SCN8A: variants seen among roughly 807,000 people sequenced by gnomAD.
The protein encoded by SCN8A is sodium channel protein type 8 subunit alpha.
SCN8A carries 30 observed loss-of-function variants against 184.1 expected under a neutral mutation model. The observed-to-expected ratio is 0.16, with a 90% CI of 0.12 to 0.22. The LOEUF (loss-of-function observed/expected upper bound fraction) is 0.22. SCN8A is among the 10% of genes least tolerant of loss of function. SCN8A has a pLI of 1.00. For synonymous variants in SCN8A, 852 were observed against 907.0 expected (o/e 0.94, Z 1.09); for missense variants, 1,057 against 2,498.9 (o/e 0.42, Z 12.30).
intron 26 of SCN8A, among the ~76,000 whole-genome samples, chr12:51,799,987 C>G (rs955519527): frequency 1.3e-5 from 2 of 152,226 alleles, no homozygotes; most frequent in Non-Finnish European, 2.9e-5. Context: ...CTACTTCTCG[C>G]TCACTGGGTC....
intron 11 of SCN8A, chr12:51,712,887 A>G: frequency 2.6e-6 from 4 of 1,565,062 alleles, no homozygotes; most frequent in Non-Finnish European, 3.5e-6. Flanking sequence ...CAAAGTTTCC[A>G]CCACGGCCAA....
At position 51,807,379 on chromosome 12, in the gene SCN8A, A is replaced by G. The variant is rs954461792; in HGVS notation, c.5893A>G (p.Arg1965Gly). Residue 1965 changes from arginine to glycine, a missense_variant, in exon 27 of 27, where the codon AGA becomes GGA. Around this residue, in one of 19 missense-constraint regions of SCN8A, gnomAD observed 95 missense variants for 140.2 expected, o/e 0.68. Coordinates refer to ENST00000627620, the MANE Select transcript of SCN8A (RefSeq NM_001330260.2). The surrounding 1 kb of genome is among the most constrained non-coding windows in gnomAD (Gnocchi z 4.5). ...GAAACAGCAGCGGGCAGAGGAAGGA[A>G]GAAGGGAAAGAGCCAAAAGACAAAA... ...KEKQQRAEEG[R>G]RERAKRQKEV... The G allele has an allele frequency of 6.2e-7, 1 of 1,613,304 alleles. No individual in the cohort carries two copies. The highest frequency in any genetic ancestry group is 8.5e-7 in the Non-Finnish European group (1 of 1,179,520).
rs184187332 is a variant in SCN8A at position 51,731,198 on chromosome 12, G to C, written c.1998+9290G>C. ...CTTGGGAGTGCACATAGTGCAGATA[G>C]TGCAGTTATCTCTTTGATATACTGA... On this transcript the variant is annotated intron_variant, in intron 12 of 26. Transcript: ENST00000627620. 2.0e-5 allele frequency among the ~76,000 whole-genome samples: 3 copies of C among 152,144 alleles called. No homozygotes were observed. The East Asian group carries it at 5.8e-4, about 29-fold the overall frequency.
At chr12:51,781,154 G>A (rs529511660) in intron 21 of SCN8A, among the ~76,000 whole-genome samples, 1 of 152,346 alleles carries the variant, frequency 6.6e-6, no homozygotes, top group Admixed American at 6.5e-5. Context: ...CAGGCAGGGA[G>A]AGTGCTGTGT....
At position 51,769,916 on chromosome 12, in the gene SCN8A, C is replaced by A. The variant is rs780984594; in HGVS notation, c.3421C>A (p.Pro1141Thr). The A allele has an allele frequency of 3.2e-5, 51 of 1,608,406 alleles. No homozygotes were observed. The highest frequency in any genetic ancestry group is 4.3e-5 in the Non-Finnish European group (51 of 1,177,554). Residue 1141 changes from proline (P) to threonine (T), a missense_variant, in exon 18 of 27, where the codon CCA becomes ACA. Around this residue, in one of 19 missense-constraint regions of SCN8A, gnomAD observed 178 missense variants for 259.6 expected, o/e 0.69. Transcript: ENST00000627620. ...SSEGSTIDIK[P>T]EVEEVPVEQP... is the part of the protein sequence containing the mutation. Reference sequence around the variant, plus strand: ...TGAAGGAAGCACCATTGATATCAAACCAGAAGTAGAAGAGGTCCCTGTGGA... The same window carrying A: ...TGAAGGAAGCACCATTGATATCAAAACAGAAGTAGAAGAGGTCCCTGTGGA...
chr12:51,706,704 A>G lies in SCN8A; in HGVS notation c.1624A>G (p.Ile542Val). The change falls in exon 11 of 27, where the codon ATC becomes GTC. Residue 542 changes from isoleucine to valine, a missense_variant. This residue lies in a region of SCN8A where 322 missense variants were observed against 390.1 expected (regional missense o/e 0.83). Transcript: ENST00000627620. ...PDNRIGRKFS[I>V]MNQSLLSIPG... ...CAACAGAATAGGGAGGAAATTTTCC[A>G]TCATGAATCAGGTAAACTCTTCTTT... The G allele has an allele frequency of 6.5e-7, 1 of 1,540,280 alleles. No homozygotes were observed. Among genetic ancestry groups the G allele is most frequent in the South Asian group, 1.3e-5 (1 of 76,326 alleles).
intron 14 of SCN8A, among the ~76,000 whole-genome samples, chr12:51,757,259 T>C (rs1361828117): frequency 6.6e-6 from 1 of 152,194 alleles, no homozygotes; most frequent in Non-Finnish European, 1.5e-5. Flanking sequence ...CAGGATGAGT[T>C]ACTTACATTC....
intron 2 of SCN8A, among the ~76,000 whole-genome samples, chr12:51,666,991 T>G (rs1249615335): frequency 6.6e-6 from 1 of 152,242 alleles, no homozygotes; most frequent in African/African-American, 2.4e-5. Context: ...TCTTTGTCTC[T>G]TGGTACTTCG....
chr12:51,721,420 T>C (rs1216480433), intron 11 of SCN8A, 126 bp from the exon 12 acceptor site: 16 of 980,992 alleles, frequency 1.6e-5, no homozygotes, highest in Non-Finnish European at 2.2e-5. Context: ...CTGGAAACAC[T>C]TGTGTTCTGA....
chr12:51,721,864 A>G lies in SCN8A; in HGVS notation c.1954A>G (p.Ile652Val), dbSNP rs1048609401. The change falls in exon 12 of 27, where the codon ATC becomes GTC. Residue 652 changes from isoleucine (I) to valine (V), a missense_variant. Physicochemically the swap from Ile to Val is conservative, Grantham distance 29. This residue lies in a region of SCN8A where 322 missense variants were observed against 390.1 expected (regional missense o/e 0.83). Coordinates refer to ENST00000627620, the MANE Select transcript of SCN8A (RefSeq NM_001330260.2). ...GGACTGCAACGGCGTGGTGTCCCTC[A>G]TCGGCGGCCCCGGCTCCCACATCGG... ...TVDCNGVVSL[I>V]GGPGSHIGGR... The G allele has an allele frequency of 1.9e-5, 31 of 1,602,574 alleles. No individual in the cohort carries two copies. The highest frequency in any genetic ancestry group is 2.7e-5 in the African/African-American group (2 of 74,936).
intron 1 of SCN8A, among the ~76,000 whole-genome samples, chr12:51,620,592 G>T (rs1191583596): frequency 6.6e-6 from 1 of 151,978 alleles, no homozygotes; most frequent in Non-Finnish European, 1.5e-5. Flanking sequence ...TTGGAAGGCT[G>T]TGCACTTAAT....
At chr12:51,723,849 A>T (rs965778191) in intron 12 of SCN8A, among the ~76,000 whole-genome samples, 1 of 13,012 alleles carries the variant, frequency 7.7e-5, no homozygotes, top group African/African-American at 9.7e-5. Flanking sequence ...CTCCATCTTA[A>T]AAAAAAAAAA....
At chr12:51,651,211 T>C (rs774506444) in intron 1 of SCN8A, among the ~76,000 whole-genome samples, 1 of 152,160 alleles carries the variant, frequency 6.6e-6, no homozygotes, top group African/African-American at 2.4e-5. Context: ...AGATTTTGTT[T>C]ATGGCCAGTT....
chr12:51,785,719 A>AT (rs1938066699), intron 21 of SCN8A, among the ~76,000 whole-genome samples: 1 of 152,068 alleles, frequency 6.6e-6, no homozygotes, highest in African/African-American at 2.4e-5. Context: ...CAATATGCCA[A>AT]TTTTTTTAGT....
chr12:51,633,074 G>A (rs1338797161), intron 1 of SCN8A, among the ~76,000 whole-genome samples: 7 of 152,158 alleles, frequency 4.6e-5, no homozygotes, highest in Admixed American at 2.0e-4. Context: ...TAAGCTCTGT[G>A]TTACACATGG....
At chr12:51,615,400 C>G (rs1939813717) in intron 1 of SCN8A, among the ~76,000 whole-genome samples, 1 of 152,022 alleles carries the variant, frequency 6.6e-6, no homozygotes, top group Admixed American at 6.5e-5. Context: ...ACAAAAAATA[C>G]AAAAATTAGT....
intron 17 of SCN8A, 80 bp downstream of exon 17, chr12:51,769,415 T>A: frequency 1.0e-6 from 1 of 995,276 alleles, no homozygotes; most frequent in East Asian, 2.5e-5. Flanking sequence ...TTGGTTCAGC[T>A]ATGGGCTTGG....
At chr12:51,730,801 T>C (rs1479415378) in intron 12 of SCN8A, among the ~76,000 whole-genome samples, 1 of 152,196 alleles carries the variant, frequency 6.6e-6, no homozygotes, top group African/African-American at 2.4e-5. Context: ...GCTCTTATTC[T>C]TACTTTCTAA....
intron 1 of SCN8A, among the ~76,000 whole-genome samples, chr12:51,593,098 T>C (rs1292840957): frequency 6.6e-6 from 1 of 152,182 alleles, no homozygotes; most frequent in African/African-American, 2.4e-5. Context: ...GTTCTTGAAA[T>C]ACTGCAGCAT....
Sources: allele counts gnomAD v4.1 joint callset (sites outside exome capture counted in the v4.1 genomes callset), GRCh38; gene constraint gnomAD v4.1.1; regional missense constraint gnomAD v4.1.1; non-coding constraint Gnocchi (gnomAD v3.1); transcripts MANE v1.5; gene names NCBI Gene and HGNC (gene_info 2026-07-23, HGNC 2026-07-21).